ERICH1: variants seen among roughly 807,000 people sequenced by gnomAD.
ERICH1 encodes the protein glutamate-rich protein 1.
Under a neutral mutation model 39.6 loss-of-function variants are expected in ERICH1, and 56 were observed. The observed-to-expected ratio is 1.41, with a 90% CI of 1.14 to 1.77. ERICH1 has a LOEUF of 1.77. ERICH1 is among the 40% of genes most tolerant of loss of function. ERICH1 has a pLI of 0.00. For synonymous variants in ERICH1, 313 were observed against 223.6 expected (o/e 1.40, Z -3.57); for missense variants, 826 against 575.4 (o/e 1.44, Z -4.45).
intron 2 of ERICH1, among the ~76,000 whole-genome samples, chr8:701,439 G>T (rs1812124635): frequency 6.6e-6 from 1 of 152,248 alleles, no homozygotes; most frequent in Admixed American, 6.5e-5. Context: ...TGCCCTGCTG[G>T]ATGGGAACAC....
intron 3 of ERICH1, among the ~76,000 whole-genome samples, chr8:618,703 G>C (rs1797091506): frequency 6.6e-6 from 1 of 152,192 alleles, no homozygotes; most frequent in Non-Finnish European, 1.5e-5. Context: ...GCTTGGAACA[G>C]CACGCAATGG....
At chr8:623,254 A>G (rs1443363743) in intron 3 of ERICH1, among the ~76,000 whole-genome samples, 1 of 152,198 alleles carries the variant, frequency 6.6e-6, no homozygotes, top group Admixed American at 6.5e-5. Flanking sequence ...GCAACAATCA[A>G]TGTAATAGAC....
At position 673,276 on chromosome 8, in the gene ERICH1, G is replaced by C. The variant is rs367558363; in HGVS notation, c.1063+13C>G. 1.9e-6 allele frequency: 3 copies of C among 1,587,240 alleles called. No homozygotes were observed. Among genetic ancestry groups the C allele is most frequent in the Non-Finnish European group, 2.6e-6 (3 of 1,162,130 alleles). ...GATGTCACTATGCAAGAGAAAAACA[G>C]TAAAAAACATACCGTCATAAAAATA... On this transcript the variant is annotated intron_variant, in intron 4 of 5. Transcript: ENST00000262109.
At chr8:622,077 A>C (rs978350757) in intron 3 of ERICH1, among the ~76,000 whole-genome samples, 21 of 151,988 alleles carry the variant, frequency 1.4e-4, no homozygotes, top group African/African-American at 5.1e-4. Flanking sequence ...AAAATTAACC[A>C]AGCGTGGTGG....
At chr8:692,760 A>G in intron 2 of ERICH1, 148 bp from the exon 3 acceptor site, 2 of 989,526 alleles carry the variant, frequency 2.0e-6, no homozygotes, top group Non-Finnish European at 2.9e-6. Context: ...TGTCATAAAT[A>G]CTGATTTTAA....
At chr8:639,384 T>C (rs1441722939) in intron 3 of ERICH1, among the ~76,000 whole-genome samples, 1 of 152,170 alleles carries the variant, frequency 6.6e-6, no homozygotes, top group African/African-American at 2.4e-5. Context: ...GGATGAAATA[T>C]CTTCCTAGAA....
chr8:679,455 ACAGCACCCACCCCTCG>A (rs1282857407), intron 3 of ERICH1, among the ~76,000 whole-genome samples: 1 of 116,468 alleles, frequency 8.6e-6, no homozygotes, highest in African/African-American at 3.4e-5. Context: ...CCCACCCCTC[ACAGCACCCACCCCTCG>A]CAGCTCTGTG....
intron 4 of ERICH1, 159 bp from the exon 5 acceptor site, chr8:668,951 A>G: frequency 2.9e-6 from 2 of 691,298 alleles, no homozygotes; most frequent in Non-Finnish European, 4.7e-6. Flanking sequence ...ATCAGAACAG[A>G]GCTCAGCACA....
At chr8:614,883 C>A (rs906888) in exon 4 of ERICH1, 38,320 of 220,418 alleles carry the variant, frequency 0.17, 3,665 homozygotes, top group East Asian at 0.29. Flanking sequence ...ACCCACCCAG[C>A]CAATTAGGTT....
Position 664,391 on chromosome 8 carries a change from T to G in ERICH1, c.*212A>C, listed in dbSNP as rs553664466. 8.2e-7 allele frequency: 1 copy of G among 1,222,118 alleles called. No homozygotes were observed. The highest frequency in any genetic ancestry group is 1.0e-6 in the Non-Finnish European group (1 of 979,594). The allele number at this position is 1,222,118 out of a possible 1,614,324, so 75.7% of individuals were successfully genotyped here. A position where few individuals can be genotyped will look rare whatever the true frequency, so the allele number is the denominator to read the frequency against. On this transcript the variant is annotated 3_prime_UTR_variant, in exon 6 of 6. Transcript: ENST00000262109. ...GTTTTATGTAGTAATTCAAGATATA[T>G]ATAATTGCAAATAAGTGAAAAATTT...
chr8:724,489 GCC>G (rs1818105272), intron 1 of ERICH1, among the ~76,000 whole-genome samples: 1 of 152,112 alleles, frequency 6.6e-6, no homozygotes, highest in Admixed American at 6.5e-5. Context: ...GATGCGAGCA[GCC>G]CAGGGGCTTC....
chr8:634,797 C>T (rs1798297929), intron 3 of ERICH1, among the ~76,000 whole-genome samples: 1 of 152,228 alleles, frequency 6.6e-6, no homozygotes, highest in Non-Finnish European at 1.5e-5. Flanking sequence ...CGCTGAGCAG[C>T]CCAGGTCAAG....
At chr8:635,549 G>C (rs1016184077) in intron 3 of ERICH1, among the ~76,000 whole-genome samples, 3 of 152,194 alleles carry the variant, frequency 2.0e-5, no homozygotes, top group Admixed American at 6.5e-5. Context: ...GCCCGCAGGC[G>C]GCACAGCTGT....
At chr8:635,529 C>A (rs1009657876) in intron 3 of ERICH1, among the ~76,000 whole-genome samples, 1 of 152,202 alleles carries the variant, frequency 6.6e-6, no homozygotes, top group Non-Finnish European at 1.5e-5. Context: ...TCTTGGGAGC[C>A]CAGATCACAG....
chr8:730,286 A>C (rs1819675720), intron 1 of ERICH1, among the ~76,000 whole-genome samples: 1 of 152,256 alleles, frequency 6.6e-6, no homozygotes, highest in South Asian at 2.1e-4. Context: ...ATTTTTCTCC[A>C]CATTCTGCCT....
intron 3 of ERICH1, among the ~76,000 whole-genome samples, chr8:674,305 T>TC (rs1804163600): frequency 6.7e-6 from 1 of 149,404 alleles, no homozygotes; most frequent in Non-Finnish European, 1.5e-5. Context: ...GCTTTTTTTT[T>TC]TTTTTTTTTT....
chr8:615,585 A>G, intron 3 of ERICH1: 1 of 313,898 alleles, frequency 3.2e-6, no homozygotes, highest in East Asian at 6.0e-5. Context: ...TATTTGGCAA[A>G]TGCTATGAAC....
intron 5 of ERICH1, 154 bp downstream of exon 5, chr8:668,444 G>A (rs771548560): frequency 4.4e-6 from 3 of 682,112 alleles, no homozygotes; most frequent in South Asian, 3.7e-5. Flanking sequence ...GATGCAGGAA[G>A]CCTGTTTCTC....
At chr8:624,010 G>C (rs1374199646) in intron 3 of ERICH1, among the ~76,000 whole-genome samples, 1 of 152,030 alleles carries the variant, frequency 6.6e-6, no homozygotes. Context: ...AATCTAACGA[G>C]GGACTAATAT....
Sources: gnomAD v4.1 joint callset for allele counts (sites outside exome capture counted in the v4.1 genomes callset) on GRCh38, gnomAD v4.1.1 for gene constraint, MANE v1.5 for transcripts, NCBI Gene and HGNC (gene_info 2026-07-23, HGNC 2026-07-21) for gene names.